Variants in ORC3 observed in about 807,000 individuals in gnomAD.
The protein encoded by ORC3 is origin recognition complex subunit 3, also known as homolog of latheo, Drosophila.
ORC3 carries 78 observed loss-of-function variants against 100.7 expected under a neutral mutation model. That is an observed-to-expected ratio of 0.77 (90% CI 0.65 to 0.94). The LOEUF is 0.94. Ranked by LOEUF, ORC3 falls within the 40% of genes least tolerant of loss-of-function variation. The pLI is 0.00. For synonymous variants in ORC3, 295 were observed against 289.3 expected (o/e 1.02, Z -0.20); for missense variants, 789 against 823.9 (o/e 0.96, Z 0.52).
At chr6:87,648,741 A>G (rs1380410213) in intron 13 of ORC3, among the ~76,000 whole-genome samples, 1 of 152,232 alleles carries the variant, frequency 6.6e-6, no homozygotes, top group Non-Finnish European at 1.5e-5. Context: ...CATTAGTATT[A>G]CATATTGCCC....
Position 87,665,311 on chromosome 6 carries a change from A to G in ORC3, c.1951-443A>G, listed in dbSNP as rs560971944. Reference sequence around the variant, plus strand: ...GGAATACTTGGCAAGGCAATAAACAACTGTTGTTATTCTTTAAAATAAACA... The same window carrying G: ...GGAATACTTGGCAAGGCAATAAACAGCTGTTGTTATTCTTTAAAATAAACA... On this transcript the variant is annotated intron_variant, in intron 18 of 19. Coordinates refer to ENST00000392844, the MANE Select transcript of ORC3 (RefSeq NM_012381.4). 2.6e-5 allele frequency among the ~76,000 whole-genome samples: 4 copies of G among 152,336 alleles called. No homozygotes were observed. The South Asian group carries it at 8.3e-4, about 32-fold the overall frequency.
At chr6:87,666,155 C>A (rs139317778) in intron 19 of ORC3, among the ~76,000 whole-genome samples, 4 of 152,032 alleles carry the variant, frequency 2.6e-5, no homozygotes, top group African/African-American at 9.7e-5. Flanking sequence ...GTTTTTGAGA[C>A]GGAGTCTCGT....
At chr6:87,638,658 T>G (rs1288152699) in intron 13 of ORC3, among the ~76,000 whole-genome samples, 1 of 152,194 alleles carries the variant, frequency 6.6e-6, no homozygotes, top group Admixed American at 6.5e-5. Flanking sequence ...TATGAGCACT[T>G]GTGATACCAC....
intron 8 of ORC3, among the ~76,000 whole-genome samples, chr6:87,615,957 A>G (rs889919267): frequency 2.0e-5 from 3 of 152,184 alleles, no homozygotes; most frequent in African/African-American, 7.2e-5. Flanking sequence ...AATGAAAAAA[A>G]TCTCATCTGG....
chr6:87,669,889 A>AT (rs1411054560), downstream of ORC3, among the ~76,000 whole-genome samples: 2 of 152,350 alleles, frequency 1.3e-5, no homozygotes, highest in African/African-American at 4.8e-5. Flanking sequence ...AATGATGCAT[A>AT]TGAGCACCAG....
rs935440870 is a variant in ORC3, at chr6:87,601,940, C to A, written c.177+59C>A. On this transcript the variant is annotated intron_variant, in intron 3 of 19. Coordinates refer to ENST00000392844, the MANE Select transcript of ORC3 (RefSeq NM_012381.4). ...CCTAAGTCTCATTTTTGTTGCATCT[C>A]ATCTTCCTTTCCACCAGTTTACAAG... 2.2e-5 allele frequency: 21 copies of A among 949,514 alleles called. No homozygotes were observed. The Admixed American group carries it at 3.7e-4, about 17-fold the overall frequency. 58.8% of individuals were successfully genotyped at this position (949,514 alleles called of 1,614,324 possible).
At chr6:87,605,287 C>T (rs1051413116) in intron 4 of ORC3, among the ~76,000 whole-genome samples, 61 of 152,170 alleles carry the variant, frequency 4.0e-4, no homozygotes, top group African/African-American at 1.4e-3. Context: ...TATACTGCAC[C>T]TGGCCAGTTT....
chr6:87,676,779 TA>T, the ORC3 span, among the ~76,000 whole-genome samples: 16 of 122,156 alleles, frequency 1.3e-4, no homozygotes, highest in Middle Eastern at 6.5e-3. Flanking sequence ...GACTCCATCT[TA>T]AAAAAAAAAC....
intron 4 of ORC3, 57 bp from the exon 5 acceptor site, chr6:87,605,860 G>A (rs1778295235): frequency 1.1e-6 from 1 of 914,618 alleles, no homozygotes; most frequent in Admixed American, 2.1e-5. Context: ...AATAGCTTTT[G>A]TCATTAAATT....
At chr6:87,673,081 C>T in the ORC3 span, among the ~76,000 whole-genome samples, 1 of 149,460 alleles carries the variant, frequency 6.7e-6, no homozygotes, top group South Asian at 2.1e-4. Context: ...CATCTAAAGT[C>T]AGAGTAGCCC....
At chr6:87,618,356 C>A (rs113293704) in intron 9 of ORC3, among the ~76,000 whole-genome samples, 3 of 150,118 alleles carry the variant, frequency 2.0e-5, no homozygotes, top group Non-Finnish European at 4.4e-5. Flanking sequence ...TTGTAGTGAG[C>A]GAGTGAGCGG....
At chr6:87,603,221 C>G (rs1778095885) in intron 3 of ORC3, among the ~76,000 whole-genome samples, 163 bp from the exon 4 acceptor site, 1 of 151,598 alleles carries the variant, frequency 6.6e-6, no homozygotes, top group African/African-American at 2.4e-5. Flanking sequence ...TGGGGGAACC[C>G]AGAGCACTAA....
At chr6:87,630,487 C>T (rs1199285287) in intron 11 of ORC3, among the ~76,000 whole-genome samples, 2 of 152,150 alleles carry the variant, frequency 1.3e-5, no homozygotes, top group African/African-American at 2.4e-5. Flanking sequence ...TTTTCTAGTG[C>T]CTATTATGTG....
intron 13 of ORC3, chr6:87,651,369 T>TA: frequency 2.2e-6 from 1 of 451,340 alleles, no homozygotes; most frequent in Non-Finnish European, 4.5e-6. Flanking sequence ...AATGCTAATC[T>TA]TGTCTATTTG....
intron 2 of ORC3, 131 bp from the exon 3 acceptor site, chr6:87,601,653 C>A (rs1321083482): frequency 1.7e-6 from 1 of 596,318 alleles, no homozygotes; most frequent in Admixed American, 3.0e-5. Flanking sequence ...GCCTGGGTGA[C>A]AGAGTGAGAC....
chr6:87,651,575 A>G (rs1769270866), intron 13 of ORC3, among the ~76,000 whole-genome samples: 1 of 152,192 alleles, frequency 6.6e-6, no homozygotes. Context: ...ATCTTAGATA[A>G]TTATTGTAGA....
At chr6:87,656,406 G>A (rs1769692044) in intron 14 of ORC3, among the ~76,000 whole-genome samples, 1 of 152,068 alleles carries the variant, frequency 6.6e-6, no homozygotes, top group South Asian at 2.1e-4. Context: ...TGGCCAACGT[G>A]GCGAAACCCC....
intron 15 of ORC3, 46 bp from the exon 16 acceptor site, chr6:87,657,875 T>A (rs1411337349): frequency 4.7e-6 from 5 of 1,074,204 alleles, no homozygotes; most frequent in Non-Finnish European, 7.2e-6. Context: ...TCTGAGGGGT[T>A]TTCTGTCTGA....
At chr6:87,633,389 A>ATGATAGGAGATTTAGATTTTGTTG (rs1482885032) in intron 11 of ORC3, among the ~76,000 whole-genome samples, 3 of 152,242 alleles carry the variant, frequency 2.0e-5, no homozygotes, top group Non-Finnish European at 4.4e-5. Context: ...TACTTTTGTT[A>ATGATAGGAGATTTAGATTTTGTTG]TGATAGGAGA....
Sources: allele counts gnomAD v4.1 joint callset (sites outside exome capture counted in the v4.1 genomes callset), GRCh38; gene constraint gnomAD v4.1.1; transcripts MANE v1.5; gene names NCBI Gene and HGNC (gene_info 2026-07-23, HGNC 2026-07-21).